Variants in FAM240B observed in about 807,000 individuals in gnomAD.
FAM240B encodes family with sequence similarity 240 member B.
chr9:38,717,738 T>C (rs1821325146), intron 1 of FAM240B, among the ~76,000 whole-genome samples: 1 of 152,064 alleles, frequency 6.6e-6, no homozygotes, highest in African/African-American at 2.4e-5. Context: ...CGCCTCGGCC[T>C]CCCAAAGTTC....
At chr9:38,716,270 G>A (rs1229609858) in intron 1 of FAM240B, among the ~76,000 whole-genome samples, 3 of 152,120 alleles carry the variant, frequency 2.0e-5, no homozygotes, top group African/African-American at 4.8e-5. Context: ...TCAGGAGTTC[G>A]AGACCAGCCT....
At chr9:38,708,872 A>T (rs545749311) in intron 1 of FAM240B, among the ~76,000 whole-genome samples, 1 of 152,178 alleles carries the variant, frequency 6.6e-6, no homozygotes, top group Non-Finnish European at 1.5e-5. Flanking sequence ...AGGCTTATTT[A>T]TCTCTGTTGC....
chr9:38,697,862 A>G (rs1176393099), intron 2 of FAM240B, among the ~76,000 whole-genome samples: 1 of 152,224 alleles, frequency 6.6e-6, no homozygotes, highest in Non-Finnish European at 1.5e-5. Flanking sequence ...TACATCATGG[A>G]AGTTGGCAAA....
At chr9:38,713,751 T>C (rs1242351898) in intron 1 of FAM240B, among the ~76,000 whole-genome samples, 2 of 152,174 alleles carry the variant, frequency 1.3e-5, no homozygotes, top group Non-Finnish European at 2.9e-5. Flanking sequence ...TTAGAAAAGA[T>C]ATAGATTGAC....
chr9:38,710,058 C>T (rs1283006960), intron 1 of FAM240B, among the ~76,000 whole-genome samples: 2 of 152,180 alleles, frequency 1.3e-5, no homozygotes, highest in Non-Finnish European at 2.9e-5. Flanking sequence ...CAACCTCCGC[C>T]TCCCGGGTTC....
chr9:38,717,881 A>G (rs1204921401), intron 1 of FAM240B, among the ~76,000 whole-genome samples: 1 of 152,170 alleles, frequency 6.6e-6, no homozygotes, highest in Non-Finnish European at 1.5e-5. Context: ...AATATTTCAA[A>G]AAGCACTGAA....
At chr9:38,718,968 G>C (rs540492341) in intron 1 of FAM240B, among the ~76,000 whole-genome samples, 1 of 152,180 alleles carries the variant, frequency 6.6e-6, no homozygotes, top group Admixed American at 6.5e-5. Flanking sequence ...GTTTGGAAAA[G>C]ATACGTAAGT....
intron 1 of FAM240B, among the ~76,000 whole-genome samples, chr9:38,704,780 T>G (rs957023501): frequency 6.6e-6 from 1 of 152,208 alleles, no homozygotes; most frequent in African/African-American, 2.4e-5. Context: ...TGCCATCTGA[T>G]GCTCACTACA....
At chr9:38,701,438 T>A (rs1380151454) in intron 2 of FAM240B, among the ~76,000 whole-genome samples, 1 of 152,262 alleles carries the variant, frequency 6.6e-6, no homozygotes, top group East Asian at 1.9e-4. Flanking sequence ...TGTGTTTGCT[T>A]TGCTTTTTTG....
Position 38,709,539 on chromosome 9 carries a change from A to C in FAM240B, c.-3-5537T>G, listed in dbSNP as rs76552389. Among the ~76,000 whole-genome samples the C allele has an allele frequency of 4.2e-3, 634 of 152,178 alleles. 1 individual carries two copies. The highest frequency in any genetic ancestry group is 7.6e-3 in the Non-Finnish European group (520 of 67,992). ...CAGAGACAATCATTAGCTCTATGCC[A>C]TATGCATATGGTGGTGCCCCCGTCG... is the stretch of plus-strand genomic sequence containing the variant. On this transcript the variant is annotated intron_variant, in intron 1 of 2. Transcript: ENST00000637493.
At chr9:38,696,788 T>G (rs570808465) in intron 2 of FAM240B, among the ~76,000 whole-genome samples, 71 of 152,306 alleles carry the variant, frequency 4.7e-4, no homozygotes, top group African/African-American at 1.3e-3. Flanking sequence ...CACTCCAGCT[T>G]GGGCGACAGA....
chr9:38,710,033 G>A (rs1289194725), intron 1 of FAM240B, among the ~76,000 whole-genome samples: 1 of 152,098 alleles, frequency 6.6e-6, no homozygotes. Context: ...GCAGTGGCTC[G>A]ATCTCGGCTC....
chr9:38,719,343 A>T (rs1821346001), intron 1 of FAM240B, among the ~76,000 whole-genome samples: 1 of 152,140 alleles, frequency 6.6e-6, no homozygotes, highest in African/African-American at 2.4e-5. Flanking sequence ...AAAAGTCATA[A>T]TTCCAACAGC....
At chr9:38,712,017 A>G (rs141669050) in intron 1 of FAM240B, among the ~76,000 whole-genome samples, 36 of 152,160 alleles carry the variant, frequency 2.4e-4, no homozygotes, top group African/African-American at 8.4e-4. Context: ...ATCTCCTTAT[A>G]ATTAACATCC....
chr9:38,697,545 A>G (rs911916464), intron 2 of FAM240B, among the ~76,000 whole-genome samples: 14 of 152,208 alleles, frequency 9.2e-5, no homozygotes, highest in Non-Finnish European at 1.0e-4. Context: ...ATAACAGTTC[A>G]TGACAACCAA....
intron 1 of FAM240B, 107 bp from the exon 2 acceptor site, chr9:38,704,109 T>G (rs1821162265): frequency 5.5e-6 from 1 of 182,992 alleles, no homozygotes; most frequent in South Asian, 2.2e-4. Context: ...TTACACTTGT[T>G]TTTTTTTTTT....
At chr9:38,702,230 A>C (rs529928467) in intron 2 of FAM240B, among the ~76,000 whole-genome samples, 72 of 152,298 alleles carry the variant, frequency 4.7e-4, no homozygotes, top group African/African-American at 1.6e-3. Context: ...TCTAGCATGT[A>C]GGAAGGCCTA....
chr9:38,714,498 G>A (rs1821288705), intron 1 of FAM240B, among the ~76,000 whole-genome samples: 1 of 152,218 alleles, frequency 6.6e-6, no homozygotes. Flanking sequence ...AGTCTGGGAT[G>A]ACTTGGTGAC....
At chr9:38,701,356 G>A (rs559122346) in intron 2 of FAM240B, among the ~76,000 whole-genome samples, 2 of 152,178 alleles carry the variant, frequency 1.3e-5, no homozygotes, top group South Asian at 4.1e-4. Context: ...AAGCAAAGGG[G>A]GGCTCTGACA....
Sources: gnomAD v4.1 joint callset for allele counts (sites outside exome capture counted in the v4.1 genomes callset) on GRCh38, gnomAD v4.1.1 for gene constraint, MANE v1.5 for transcripts, NCBI Gene and HGNC (gene_info 2026-07-23, HGNC 2026-07-21) for gene names.